PAPPA2: variants seen among roughly 807,000 people sequenced by gnomAD.
PAPPA2 encodes pappalysin 2.
In PAPPA2, 86 loss-of-function variants were observed where a neutral mutation model predicts 176.4. The ratio of observed to expected loss-of-function variants is 0.49; its 90% CI spans 0.41 to 0.58. The LOEUF (loss-of-function observed/expected upper bound fraction) is 0.58, where lower values mean the gene tolerates loss of function less well. Among genes scored for constraint, PAPPA2 ranks in the 20% least tolerant of loss-of-function variants. The probability of loss-of-function intolerance (pLI) is 0.00; values close to 1 mark genes in which losing one functional copy is unlikely to be tolerated. For missense variants in PAPPA2, 2,073 were observed against 2,256.9 expected, an observed-to-expected ratio of 0.92 and a Z score of 1.65; for synonymous variants, 809 against 852.2, an observed-to-expected ratio of 0.95 and a Z score of 0.88.
chr1:176,791,173 A>ATTTT (rs57185368), intron 18 of PAPPA2, among the ~76,000 whole-genome samples, 174 bp from the exon 19 acceptor site: 2,236 of 80,846 alleles, frequency 0.028, 299 homozygotes, highest in African/African-American at 0.085. Context: ...AAAGCAAAGA[A>ATTTT]TTTTTTTTTT....
chr1:176,838,706 T>C (rs572419273), intron 21 of PAPPA2, among the ~76,000 whole-genome samples: 2 of 152,348 alleles, frequency 1.3e-5, no homozygotes, highest in African/African-American at 4.8e-5. Context: ...TAAAGACAAA[T>C]GCTCATTACA....
chr1:176,574,071 T>C (rs1331486058), intron 2 of PAPPA2, among the ~76,000 whole-genome samples: 2 of 152,140 alleles, frequency 1.3e-5, no homozygotes, highest in East Asian at 3.8e-4. Context: ...GTTGATTCAA[T>C]CCATTAGTGT....
At chr1:176,644,855 G>T (rs951442816) in intron 3 of PAPPA2, among the ~76,000 whole-genome samples, 2 of 151,766 alleles carry the variant, frequency 1.3e-5, no homozygotes, top group Non-Finnish European at 2.9e-5. Context: ...GGAAAATAAA[G>T]CATTCTAGGC....
Position 176,789,937 on chromosome 1 carries a change from A to G in PAPPA2, c.4844A>G (p.Asp1615Gly), listed in dbSNP as rs752264491. The G allele has an allele frequency of 6.2e-7, 1 of 1,614,162 alleles. No individual in the cohort carries two copies. The highest frequency in any genetic ancestry group is 8.5e-7 in the Non-Finnish European group (1 of 1,179,994). The change falls in exon 18 of 23, where the codon GAC (aspartate) becomes GGC (glycine). Residue 1615 changes from aspartate to glycine, a missense_variant. By Grantham distance (94) the Asp-to-Gly change is moderately conservative (BLOSUM62 -1). Around this residue, in one of 4 missense-constraint regions of PAPPA2, gnomAD observed 846 missense variants for 857.9 expected, o/e 0.99. Transcript: ENST00000367662. ...MYECTNGFSL[D>G]SQCVLNCNQE... is the part of the protein sequence containing the mutation. ...GAATGTACCAATGGCTTCAGCCTGG[A>G]CAGCCAGTGTGTGCTCAACTGTAAC...
chr1:176,747,842 G>C (rs1463769573), intron 14 of PAPPA2, among the ~76,000 whole-genome samples: 2 of 152,116 alleles, frequency 1.3e-5, no homozygotes, highest in Non-Finnish European at 2.9e-5. Context: ...AAGTTCACAT[G>C]GTTGTTGGTA....
At chr1:176,483,118 T>TTC (rs1383395184) in intron 1 of PAPPA2, among the ~76,000 whole-genome samples, 1 of 152,146 alleles carries the variant, frequency 6.6e-6, no homozygotes, top group East Asian at 1.9e-4. Context: ...ACTGGATCAC[T>TTC]TCTCTAGTCT....
At chr1:176,815,208 G>A (rs1666324892) in intron 21 of PAPPA2, among the ~76,000 whole-genome samples, 1 of 152,100 alleles carries the variant, frequency 6.6e-6, no homozygotes, top group Non-Finnish European at 1.5e-5. Flanking sequence ...ACAAATATTT[G>A]TAAATTGCAG....
chr1:176,706,476 A>G lies in PAPPA2; in HGVS notation c.3457+26A>G, dbSNP rs768701514. The G allele has an allele frequency of 3.3e-5, 52 of 1,590,946 alleles. No homozygotes were observed. The Admixed American group carries it at 7.9e-4, about 24-fold the overall frequency. ...GTAAGTTCAAGAGTTTCAGTCTAAG[A>G]TTGTGTCCTACTTTTAGAGGTGTAT... On this transcript the variant is annotated intron_variant, in intron 10 of 22. Coordinates refer to ENST00000367662, the MANE Select transcript of PAPPA2 (RefSeq NM_020318.3).
chr1:176,479,963 G>A (rs900893534), intron 1 of PAPPA2, among the ~76,000 whole-genome samples: 1 of 152,226 alleles, frequency 6.6e-6, no homozygotes, highest in African/African-American at 2.4e-5. Context: ...GCCTGTAGAA[G>A]AGAAATACAC....
At chr1:176,690,029 T>C (rs1660033053) in intron 4 of PAPPA2, 108 bp from the exon 5 acceptor site, 3 of 1,034,372 alleles carry the variant, frequency 2.9e-6, no homozygotes, top group Admixed American at 4.7e-5. Flanking sequence ...ATAAAGTGAC[T>C]CCTTAGAGGC....
Position 176,791,365 on chromosome 1 carries a change from A to G in PAPPA2, c.4903A>G (p.Lys1635Glu), listed in dbSNP as rs966512775. The G allele has an allele frequency of 2.5e-6, 4 of 1,610,340 alleles. No individual in the cohort carries two copies. Among genetic ancestry groups the G allele is most frequent in the Non-Finnish European group, 3.4e-6 (4 of 1,176,920 alleles). The change falls in exon 19 of 23, where the codon AAA becomes GAA. Residue 1635 changes from lysine to glutamate, a missense_variant. By Grantham distance (56) the Lys-to-Glu change is moderately conservative. This residue lies in a region of PAPPA2 where 846 missense variants were observed against 857.9 expected (regional missense o/e 0.99). Transcript: ENST00000367662. The stretch of plus-strand genomic sequence containing the variant: ...ATTCTAGCTTCCCATCCTCTGCACT[A>G]AAGAGGGCCTGTGGACCCAGGAGTT... The part of the protein sequence containing the change: ...EREKLPILCT[K>E]EGLWTQEFKL...
At position 176,806,111 on chromosome 1, in the gene PAPPA2, C is replaced by A. The variant is rs374302411; in HGVS notation, c.5202+5979C>A. Among the ~76,000 whole-genome samples, 31 of 151,958 alleles carry A rather than the reference C, an allele frequency of 2.0e-4. No individual in the cohort carries two copies. The East Asian group carries it at 5.2e-3, about 26-fold the overall frequency. ...ATTGATATCCTTGGGGCTACCAATG[C>A]AACTTATAAGGCCTTTTAAAGTTTG... On this transcript the variant is annotated intron_variant, in intron 21 of 22. Coordinates refer to ENST00000367662, the MANE Select transcript of PAPPA2 (RefSeq NM_020318.3).
intron 3 of PAPPA2, among the ~76,000 whole-genome samples, chr1:176,631,551 T>C (rs917290745): frequency 6.6e-6 from 1 of 152,136 alleles, no homozygotes; most frequent in African/African-American, 2.4e-5. Flanking sequence ...AAATTCTATA[T>C]CAATAAAACA....
chr1:176,543,324 T>C (rs1027243424), intron 1 of PAPPA2, among the ~76,000 whole-genome samples: 1 of 152,182 alleles, frequency 6.6e-6, no homozygotes. Context: ...TCACCTCCAT[T>C]GCTTTGTACA....
At chr1:176,840,327 G>T in intron 22 of PAPPA2, 56 bp downstream of exon 22, 1 of 1,368,042 alleles carries the variant, frequency 7.3e-7, no homozygotes, top group South Asian at 1.2e-5. Context: ...TAAAGGCAGG[G>T]TCTTCAGCTA....
At chr1:176,566,126 A>T (rs560590343) in intron 2 of PAPPA2, among the ~76,000 whole-genome samples, 1 of 152,214 alleles carries the variant, frequency 6.6e-6, no homozygotes, top group Non-Finnish European at 1.5e-5. Flanking sequence ...TGAAGCTCAC[A>T]TAGCTCACAT....
At chr1:176,713,011 G>T (rs904932847) in intron 12 of PAPPA2, among the ~76,000 whole-genome samples, 1 of 152,128 alleles carries the variant, frequency 6.6e-6, no homozygotes, top group African/African-American at 2.4e-5. Flanking sequence ...TTTCCATTGA[G>T]TTGTCTGTCA....
intron 4 of PAPPA2, among the ~76,000 whole-genome samples, chr1:176,677,399 A>G (rs912595564): frequency 2.0e-5 from 3 of 152,140 alleles, no homozygotes; most frequent in African/African-American, 7.2e-5. Flanking sequence ...GACCAAGGTA[A>G]TTTGTCATCT....
At chr1:176,699,664 A>G in intron 8 of PAPPA2, 75 bp downstream of exon 8, 2 of 1,513,806 alleles carry the variant, frequency 1.3e-6, no homozygotes, top group Non-Finnish European at 1.8e-6. Flanking sequence ...CCCACTTTTT[A>G]ATATTCAGCC....
Sources: allele counts gnomAD v4.1 joint callset (sites outside exome capture counted in the v4.1 genomes callset), GRCh38; gene constraint gnomAD v4.1.1; regional missense constraint gnomAD v4.1.1; transcripts MANE v1.5; gene names NCBI Gene and HGNC (gene_info 2026-07-23, HGNC 2026-07-21).